The following MTUS1 variants were observed in gnomAD, a reference collection of about 807,000 sequenced individuals.
The protein encoded by MTUS1 is microtubule-associated tumor suppressor 1.
In MTUS1, 109 loss-of-function variants were observed where a neutral mutation model predicts 120.8. That is an observed-to-expected ratio of 0.90 (90% CI 0.77 to 1.06). The LOEUF is 1.06. MTUS1 is among the 50% of genes least tolerant of loss of function. MTUS1 has a pLI of 0.00. For missense variants in MTUS1, 2,210 were observed against 1,486.3 expected, an observed-to-expected ratio of 1.49 and a Z score of -8.01; for synonymous variants, 737 against 550.5, an observed-to-expected ratio of 1.34 and a Z score of -4.74.
rs552164871 is a variant in MTUS1 at position 17,755,822 on chromosome 8, T to C, written c.-15A>G. ...TCATCAGTCATCCTGAATAGTAACC[T>C]TAAACCTCTGCCATTTTATTTCTTC... On this transcript the variant is annotated 5_prime_UTR_variant, in exon 2 of 15. It removes the in-frame stop codon of an upstream open reading frame in the 5' UTR. Coordinates refer to ENST00000693296, the MANE Select transcript of MTUS1 (RefSeq NM_001363059.2). The C allele has an allele frequency of 6.3e-7, 1 of 1,591,500 alleles. No homozygotes were observed. Among genetic ancestry groups the C allele is most frequent in the East Asian group, 2.2e-5 (1 of 44,646 alleles).
At chr8:17,703,222 G>T (rs1585811772) in intron 6 of MTUS1, among the ~76,000 whole-genome samples, 1 of 152,254 alleles carries the variant, frequency 6.6e-6, no homozygotes, top group African/African-American at 2.4e-5. Context: ...GCGAGTAGGA[G>T]AGATATCGTT....
At chr8:17,773,345 G>C (rs1011868742) in intron 1 of MTUS1, among the ~76,000 whole-genome samples, 1 of 152,176 alleles carries the variant, frequency 6.6e-6, no homozygotes, top group Non-Finnish European at 1.5e-5. Flanking sequence ...AGGTGGCCTA[G>C]AGATGCTCTG....
chr8:17,703,948 C>G (rs1819635745), intron 6 of MTUS1: 1 of 152,204 alleles, frequency 6.6e-6, no homozygotes, highest in Admixed American at 6.5e-5. Context: ...CTCCCCTTTT[C>G]AAATCCCTAA....
Position 17,656,060 on chromosome 8 carries a change from C to T in MTUS1, c.2911G>A (p.Ala971Thr), listed in dbSNP as rs1808156128. 1.9e-6 allele frequency: 3 copies of T among 1,614,032 alleles called. No individual in the cohort carries two copies. The highest frequency in any genetic ancestry group is 2.5e-6 in the Non-Finnish European group (3 of 1,180,028). The part of the protein sequence containing the change: ...LVNLRGELVT[A>T]STTCEKLEKA... Reference sequence around the variant, plus strand: ...TCTAATTTCTCACAGGTGGTTGAAGCAGTGACTGAAAACAGAGGAGAAAGA... The same window carrying T: ...TCTAATTTCTCACAGGTGGTTGAAGTAGTGACTGAAAACAGAGGAGAAAGA... The change falls in exon 9 of 15, where the codon GCT (alanine) becomes ACT (threonine). Residue 971 changes from alanine (A) to threonine (T), a missense_variant. By Grantham distance (58) the Ala-to-Thr change is moderately conservative. Transcript: ENST00000693296.
chr8:17,759,486 A>C (rs2048874793), intron 1 of MTUS1, among the ~76,000 whole-genome samples: 2 of 151,010 alleles, frequency 1.3e-5, no homozygotes, highest in Non-Finnish European at 3.0e-5. Context: ...TTTATAAATA[A>C]TACTAAACTG....
intron 6 of MTUS1, among the ~76,000 whole-genome samples, chr8:17,688,177 T>A (rs1408348173): frequency 2.6e-5 from 4 of 152,342 alleles, no homozygotes; most frequent in African/African-American, 7.2e-5. Context: ...ACGAACGTTG[T>A]CCACTTTTGT....
Position 17,723,990 on chromosome 8 carries a change from C to T in MTUS1, c.2288-157G>A, listed in dbSNP as rs572593183. 1.6e-5 allele frequency: 10 copies of T among 623,126 alleles called. No individual in the cohort carries two copies. In the South Asian group the frequency reaches 2.1e-4, roughly 13 times the overall value. 38.6% of individuals were successfully genotyped at this position (623,126 alleles called of 1,614,324 possible). A position where few individuals can be genotyped will look rare whatever the true frequency, so the allele number is the denominator to read the frequency against. On this transcript the variant is annotated intron_variant, in intron 3 of 14. Transcript: ENST00000693296. ...AACTTCAGATGAAAGATGAAAGCTT[C>T]ACGCAGACATGTTTATTTTTGATCA...
chr8:17,743,527 G>T (rs1044675472), intron 3 of MTUS1, 77 bp downstream of exon 3: 1 of 1,346,066 alleles, frequency 7.4e-7, no homozygotes, highest in Non-Finnish European at 1.0e-6. Flanking sequence ...AGTGACAGAA[G>T]GCATTAGACC....
chr8:17,743,164 A>G (rs558687469), intron 3 of MTUS1, among the ~76,000 whole-genome samples: 24 of 152,166 alleles, frequency 1.6e-4, no homozygotes, highest in Non-Finnish European at 2.8e-4. Flanking sequence ...TTAACTTTTT[A>G]GTCACCCTCA....
chr8:17,674,170 G>C (rs1035621405), intron 8 of MTUS1, among the ~76,000 whole-genome samples: 4 of 151,972 alleles, frequency 2.6e-5, no homozygotes, highest in African/African-American at 9.7e-5. Context: ...GGGTGCGGTG[G>C]CTCACACCTA....
At chr8:17,721,994 G>GA in intron 4 of MTUS1, 4 of 1,381,816 alleles carry the variant, frequency 2.9e-6, no homozygotes, top group African/African-American at 1.5e-5. Flanking sequence ...TCGAATGGAG[G>GA]GAAAAAAAAA....
At chr8:17,652,905 A>C (rs959278448) in intron 12 of MTUS1, among the ~76,000 whole-genome samples, 12 of 151,754 alleles carry the variant, frequency 7.9e-5, no homozygotes, top group African/African-American at 2.9e-4. Context: ...TTTTTTAAAT[A>C]AAGTCTTCAC....
rs555156972 is a variant in MTUS1 at position 17,668,710 on chromosome 8, G to A, written c.2905+6476C>T. ...TTATTTTAGGTTCAGGGGCACATGT[G>A]CAGGTTTGTTATTTGGGTCAACTTG... On this transcript the variant is annotated intron_variant, in intron 8 of 14. Coordinates refer to ENST00000693296, the MANE Select transcript of MTUS1 (RefSeq NM_001363059.2). Among the ~76,000 whole-genome samples, 9 of 152,238 alleles carry A rather than the reference G, an allele frequency of 5.9e-5. No homozygotes were observed. The South Asian group carries it at 1.0e-3, about 18-fold the overall frequency.
chr8:17,645,927 C>G lies in MTUS1; in HGVS notation c.3812G>C (p.Ter1271SerextTer40), dbSNP rs1188064422. 6.2e-7 allele frequency: 1 copy of G among 1,610,302 alleles called. No homozygotes were observed. The highest frequency in any genetic ancestry group is 1.3e-5 in the African/African-American group (1 of 74,828). Residue 1271 changes from the stop codon to serine, a stop_lost, in exon 15 of 15, where the codon TGA becomes TCA. Transcript: ENST00000693296. ...SFPSPSISPR[*>S] ...GAGTCTGTGGACTTTGGGGAGGTGTCATCTGGGTGAAATGCTGGGGCTAGG... is the reference window on the plus strand; with the variant it reads ...GAGTCTGTGGACTTTGGGGAGGTGTGATCTGGGTGAAATGCTGGGGCTAGG...
chr8:17,698,901 A>G (rs189650779), intron 6 of MTUS1, among the ~76,000 whole-genome samples: 15 of 152,294 alleles, frequency 9.8e-5, no homozygotes, highest in Admixed American at 3.3e-4. Context: ...TGATCAAGGA[A>G]TTAAAATCAA....
intron 1 of MTUS1, among the ~76,000 whole-genome samples, chr8:17,787,144 G>A (rs1352274201): frequency 6.6e-6 from 1 of 152,156 alleles, no homozygotes; most frequent in African/African-American, 2.4e-5. Flanking sequence ...ACCGCTCCCT[G>A]ACACCCTGTC....
chr8:17,657,993 CATAT>C (rs1263681020), intron 8 of MTUS1, among the ~76,000 whole-genome samples: 2 of 145,420 alleles, frequency 1.4e-5, no homozygotes, highest in South Asian at 2.2e-4. Context: ...ATATATAATA[CATAT>C]ATACACATAT....
At chr8:17,671,619 G>C (rs936556758) in intron 8 of MTUS1, among the ~76,000 whole-genome samples, 1 of 152,246 alleles carries the variant, frequency 6.6e-6, no homozygotes, top group African/African-American at 2.4e-5. Context: ...TGGATGCTGG[G>C]ACAGCTGGAG....
In MTUS1 at chr8:17,659,077, A is replaced by C. The variant is rs150989876; in HGVS notation, c.2906-3012T>G. On this transcript the variant is annotated intron_variant, in intron 8 of 14. Coordinates refer to ENST00000693296, the MANE Select transcript of MTUS1 (RefSeq NM_001363059.2). Reference sequence around the variant, plus strand: ...ACCCTCCTAAACATATAGATAAGGAAACCGCCACAGAGAGGCTAAATCATC... The same window carrying C: ...ACCCTCCTAAACATATAGATAAGGACACCGCCACAGAGAGGCTAAATCATC... Among the ~76,000 whole-genome samples, 861 of 152,318 alleles carry C rather than the reference A, an allele frequency of 5.7e-3. 11 individuals are homozygous for C. The highest frequency in any genetic ancestry group is 0.019 in the African/African-American group (800 of 41,562).
Sources: gnomAD v4.1 joint callset for allele counts (sites outside exome capture counted in the v4.1 genomes callset) on GRCh38, gnomAD v4.1.1 for gene constraint, MANE v1.5 for transcripts, NCBI Gene and HGNC (gene_info 2026-07-23, HGNC 2026-07-21) for gene names.